NLRP9: variants seen among roughly 807,000 people sequenced by gnomAD.
NLRP9 encodes NACHT, LRR and PYD domains-containing protein 9.
In NLRP9, 88 loss-of-function variants were observed where a neutral mutation model predicts 83.1. That is an observed-to-expected ratio of 1.06 (90% CI 0.89 to 1.26). The LOEUF is 1.26. Ranked by LOEUF, NLRP9 falls within the 50% of genes most tolerant of loss-of-function variation. The probability of loss-of-function intolerance (pLI) is 0.00; values close to 1 mark genes in which losing one functional copy is unlikely to be tolerated. For missense variants in NLRP9, 1,308 were observed against 1,179.3 expected, an observed-to-expected ratio of 1.11 and a Z score of -1.60; for synonymous variants, 521 against 447.6, an observed-to-expected ratio of 1.16 and a Z score of -2.07.
At chr19:55,729,041 TTTC>T (rs1275323469) in intron 3 of NLRP9, among the ~76,000 whole-genome samples, 9 of 130,082 alleles carry the variant, frequency 6.9e-5, no homozygotes, top group East Asian at 2.4e-4. Context: ...TTATCTTATT[TTTC>T]TTTTTCTTTT....
At position 55,708,816 on chromosome 19, in the gene NLRP9, G is replaced by C; in HGVS notation, c.*96C>G. 1.3e-6 allele frequency: 1 copy of C among 798,102 alleles called. No homozygotes were observed. Among genetic ancestry groups the C allele is most frequent in the East Asian group, 2.9e-5 (1 of 34,348 alleles). The allele number at this position is 798,102 out of a possible 1,614,324, so 49.4% of individuals were successfully genotyped here. ...GTACCTCTGAAATCACAGCCCTGCTGCCATGATGTGCAATTACAGGATAGA... is the reference window on the plus strand; with the variant it reads ...GTACCTCTGAAATCACAGCCCTGCTCCCATGATGTGCAATTACAGGATAGA... On this transcript the variant is annotated 3_prime_UTR_variant, in exon 9 of 9. Coordinates refer to ENST00000332836, the MANE Select transcript of NLRP9 (RefSeq NM_176820.4).
At chr19:55,730,061 G>A (rs118057388) in intron 2 of NLRP9, 69 bp from the exon 3 acceptor site, 61,460 of 1,422,406 alleles carry the variant, frequency 0.043, 1,583 homozygotes, top group South Asian at 0.076. Context: ...AAAACAGGTC[G>A]AACACCATTT....
At chr19:55,721,071 C>T (rs1988209960) in intron 4 of NLRP9, among the ~76,000 whole-genome samples, 1 of 152,154 alleles carries the variant, frequency 6.6e-6, no homozygotes, top group Non-Finnish European at 1.5e-5. Context: ...TCTGGTGAAG[C>T]CTCTGGTTAA....
rs1461523838 is a variant in NLRP9 at position 55,732,373 on chromosome 19, G to C, written c.1458C>G (p.Thr486=). ...TGAATATCCCCACCTGGGTCAAGAGGGTTTGAGGCTGAACCACACTTGCTC... is the reference window on the plus strand; with the variant it reads ...TGAATATCCCCACCTGGGTCAAGAGCGTTTGAGGCTGAACCACACTTGCTC... ...LVRASVVQPQ[T]LLTQVGIFMF... is the part of the protein sequence containing the mutation. The change falls in exon 2 of 9, where the codon ACC becomes ACG. Residue 486 remains threonine, a synonymous_variant. Transcript: ENST00000332836. The C allele has an allele frequency of 6.2e-7, 1 of 1,614,178 alleles. No individual in the cohort carries two copies.
At chr19:55,710,437 T>TG (rs1987665066) in intron 8 of NLRP9, among the ~76,000 whole-genome samples, 1 of 152,070 alleles carries the variant, frequency 6.6e-6, no homozygotes, top group Admixed American at 6.6e-5. Flanking sequence ...ATTCGTGATA[T>TG]GGTTTGAATC....
chr19:55,729,805 A>C (rs1207046563), intron 3 of NLRP9, 26 bp downstream of exon 3: 1 of 1,585,680 alleles, frequency 6.3e-7, no homozygotes, highest in African/African-American at 1.4e-5. Flanking sequence ...CCATTTGCTT[A>C]AAGGACAGGT....
rs1987952345 is a variant in NLRP9, at chr19:55,715,046, C to CG, written c.2501+8dup. ...CCCTGACATTGAAGCAAATCATGGCCGGTCCTACCACAGCTCCCGTATGCT... is the reference window on the plus strand; with the variant it reads ...CCCTGACATTGAAGCAAATCATGGCCGGGTCCTACCACAGCTCCCGTATGCT... On this transcript the variant is annotated intron_variant, in intron 6 of 8. Transcript: ENST00000332836. 1.3e-6 allele frequency: 2 copies of CG among 1,595,948 alleles called. No homozygotes were observed. Among genetic ancestry groups the CG allele is most frequent in the African/African-American group, 2.7e-5 (2 of 74,216 alleles).
intron 2 of NLRP9, among the ~76,000 whole-genome samples, 181 bp downstream of exon 2, chr19:55,731,818 A>G (rs1483244002): frequency 6.6e-6 from 1 of 152,174 alleles, no homozygotes; most frequent in African/African-American, 2.4e-5. Flanking sequence ...ATACAATGGA[A>G]AAAGTTCAAG....
At chr19:55,722,534 C>T (rs761224518) in intron 4 of NLRP9, among the ~76,000 whole-genome samples, 12 of 152,122 alleles carry the variant, frequency 7.9e-5, no homozygotes, top group East Asian at 3.8e-4. Context: ...ACATTTTTGA[C>T]GGTTACTGCA....
Position 55,727,314 on chromosome 19 carries a change from A to G in NLRP9, c.1994+2517T>C, listed in dbSNP as rs369759601. Among the ~76,000 whole-genome samples, 56 of 152,332 alleles carry G rather than the reference A, an allele frequency of 3.7e-4. No homozygotes were observed. The South Asian group carries it at 0.011, about 30-fold the overall frequency. ...TCATCAACACTGTGAAGAAGCACTA[A>G]TGTCCTCATTTTGTAACCTAAGGTT... On this transcript the variant is annotated intron_variant, in intron 3 of 8. Coordinates refer to ENST00000332836, the MANE Select transcript of NLRP9 (RefSeq NM_176820.4).
At chr19:55,727,855 T>C (rs1988446613) in intron 3 of NLRP9, among the ~76,000 whole-genome samples, 1 of 152,108 alleles carries the variant, frequency 6.6e-6, no homozygotes, top group South Asian at 2.1e-4. Flanking sequence ...CTTTGGTGAC[T>C]TGCTAGGAGA....
intron 1 of NLRP9, 36 bp from the exon 2 acceptor site, chr19:55,733,586 A>G (rs1988675851): frequency 1.7e-6 from 2 of 1,179,516 alleles, no homozygotes; most frequent in Non-Finnish European, 2.4e-6. Context: ...GATAGGTAAA[A>G]ATGCACTCAT....
chr19:55,719,925 G>A (rs533333798), intron 4 of NLRP9, among the ~76,000 whole-genome samples: 4 of 152,240 alleles, frequency 2.6e-5, no homozygotes, highest in South Asian at 2.1e-4. Context: ...ACAATGGGAC[G>A]AAATATACTG....
rs768888662 is a variant in NLRP9 at position 55,732,793 on chromosome 19, A to G, written c.1038T>C (p.Cys346=). Residue 346 remains cysteine, a synonymous_variant, in exon 2 of 9, where the codon TGT becomes TGC. Transcript: ENST00000332836. Reference sequence around the variant, plus strand: ...CTCCCCTCTCTAGCCTCTGTTTCACACAAGTACAGACCAACCAGCACGTAA... The same window carrying G: ...CTCCCCTCTCTAGCCTCTGTTTCACGCAAGTACAGACCAACCAGCACGTAA... The part of the protein sequence containing the change: ...NPFTCWLVCT[C]VKQRLERGED... 6.2e-7 allele frequency: 1 copy of G among 1,614,200 alleles called. No homozygotes were observed.
intron 4 of NLRP9, among the ~76,000 whole-genome samples, chr19:55,722,334 TC>T (rs1371001110): frequency 1.3e-5 from 2 of 151,968 alleles, no homozygotes; most frequent in Non-Finnish European, 2.9e-5. Context: ...TTTTGAAAGT[TC>T]CCCCTGAGAA....
At chr19:55,711,286 CAG>C in intron 8 of NLRP9, 2 of 806,370 alleles carry the variant, frequency 2.5e-6, no homozygotes, top group Non-Finnish European at 3.0e-6. Context: ...AAAATAAAAT[CAG>C]AAGGAAAAAT....
chr19:55,725,557 T>G (rs949275646), intron 3 of NLRP9, among the ~76,000 whole-genome samples: 5 of 152,094 alleles, frequency 3.3e-5, no homozygotes, highest in Non-Finnish European at 7.3e-5. Context: ...CTGGAGGAAC[T>G]GTGCGGACTG....
intron 2 of NLRP9, among the ~76,000 whole-genome samples, chr19:55,731,074 G>A (rs773512637): frequency 1.3e-4 from 20 of 152,162 alleles, no homozygotes; most frequent in Non-Finnish European, 2.5e-4. Context: ...ATACTCGATT[G>A]TTCTGTGAAC....
At chr19:55,720,068 A>G (rs1261416170) in intron 4 of NLRP9, among the ~76,000 whole-genome samples, 1 of 152,218 alleles carries the variant, frequency 6.6e-6, no homozygotes, top group Non-Finnish European at 1.5e-5. Context: ...ATCTACAAAA[A>G]TAAAATCAAA....
Sources: gnomAD v4.1 joint callset for allele counts (sites outside exome capture counted in the v4.1 genomes callset) on GRCh38, gnomAD v4.1.1 for gene constraint, MANE v1.5 for transcripts, NCBI Gene and HGNC (gene_info 2026-07-23, HGNC 2026-07-21) for gene names.